The following PCSK5 variants were observed in gnomAD, a reference collection of about 807,000 sequenced individuals.
PCSK5 encodes prohormone convertase 5.
Under a neutral mutation model 233.2 loss-of-function variants are expected in PCSK5, and 129 were observed. That is an observed-to-expected ratio of 0.55 (90% CI 0.48 to 0.64). The LOEUF (loss-of-function observed/expected upper bound fraction) is 0.64. Ranked by LOEUF, PCSK5 falls within the 30% of genes least tolerant of loss-of-function variation. PCSK5 has a pLI of 0.00. For synonymous variants in PCSK5, 825 were observed against 879.2 expected (o/e 0.94, Z 1.09); for missense variants, 2,076 against 2,430.1 (o/e 0.85, Z 3.06).
At chr9:75,936,501 C>G (rs943417428) in intron 2 of PCSK5, among the ~76,000 whole-genome samples, 1 of 152,248 alleles carries the variant, frequency 6.6e-6, no homozygotes, top group Admixed American at 6.5e-5. Flanking sequence ...ACAATGTTCA[C>G]AGCATCTTCA....
chr9:76,008,572 C>G (rs1408584350), intron 3 of PCSK5, among the ~76,000 whole-genome samples: 1 of 151,980 alleles, frequency 6.6e-6, no homozygotes, highest in African/African-American at 2.4e-5. Context: ...AGTGATTCTT[C>G]TGCCTCAGCC....
chr9:76,074,305 A>G (rs1256475189), intron 7 of PCSK5, among the ~76,000 whole-genome samples: 1 of 152,212 alleles, frequency 6.6e-6, no homozygotes, highest in Admixed American at 6.5e-5. Flanking sequence ...GTATAGAGAT[A>G]CCATAATTAA....
At chr9:76,285,094 T>C (rs568503974) in intron 24 of PCSK5, among the ~76,000 whole-genome samples, 8 of 152,226 alleles carry the variant, frequency 5.3e-5, no homozygotes, top group South Asian at 4.2e-4. Context: ...TTGATTGAGA[T>C]TGGAGAGTGG....
intron 1 of PCSK5, among the ~76,000 whole-genome samples, chr9:75,896,829 C>T (rs1825827908): frequency 6.6e-6 from 1 of 152,056 alleles, no homozygotes; most frequent in Non-Finnish European, 1.5e-5. Context: ...ATAAAGTTTG[C>T]ACATAGTTTA....
chr9:76,046,176 T>TG lies in PCSK5; in HGVS notation c.632+19139_632+19140insG, dbSNP rs1829376705. On this transcript the variant is annotated intron_variant, in intron 5 of 37. Coordinates refer to ENST00000674117, the MANE Select transcript of PCSK5 (RefSeq NM_001372043.1). ...TTTTCTTTTGTTTTTTTTTTTTTTT[T>TG]TTTTTTTTTTTTTTTTTTTGAGACG... Among the ~76,000 whole-genome samples the TG allele has an allele frequency of 1.8e-4, 20 of 113,520 alleles. No individual in the cohort carries two copies. In the South Asian group the frequency reaches 6.7e-3, roughly 38 times the overall value. The allele number at this position is 113,520 out of a possible 152,430, so 74.5% of individuals were successfully genotyped here. A position where few individuals can be genotyped will look rare whatever the true frequency, so the allele number is the denominator to read the frequency against.
intron 16 of PCSK5, among the ~76,000 whole-genome samples, chr9:76,184,344 CA>C (rs1317337652): frequency 1.3e-5 from 2 of 148,990 alleles, no homozygotes; most frequent in African/African-American, 5.0e-5. Flanking sequence ...TGCACTGTTG[CA>C]AGTTAGGAAA....
At chr9:75,936,052 T>G (rs1419846803) in intron 2 of PCSK5, among the ~76,000 whole-genome samples, 2 of 152,246 alleles carry the variant, frequency 1.3e-5, no homozygotes, top group African/African-American at 2.4e-5. Context: ...AAAAGTTATG[T>G]TCATACTATC....
rs1319608557 is a variant in PCSK5 at position 76,361,510 on chromosome 9, G to A, written c.*2588G>A. ...AGCCCAGGAGTTCGACATCAGCCTT[G>A]GACAACATAGTGAGACTCCCGTGTC... On this transcript the variant is annotated 3_prime_UTR_variant, in exon 38 of 38. Coordinates refer to ENST00000674117, the MANE Select transcript of PCSK5 (RefSeq NM_001372043.1). The A allele has an allele frequency of 6.6e-6, 1 of 151,894 alleles. No homozygotes were observed. Among genetic ancestry groups the A allele is most frequent in the Non-Finnish European group, 1.5e-5 (1 of 68,034 alleles). The allele number at this position is 151,894 out of a possible 1,614,324, so 9.4% of individuals were successfully genotyped here.
At chr9:76,189,596 T>G in intron 19 of PCSK5, 35 bp from the exon 20 acceptor site, 1 of 1,315,238 alleles carries the variant, frequency 7.6e-7, no homozygotes, top group Non-Finnish European at 1.1e-6. Context: ...TGTGCATGTG[T>G]GAATGGATTA....
At position 75,953,943 on chromosome 9, in the gene PCSK5, A is replaced by T. The variant is rs558913212; in HGVS notation, c.297+21460A>T. ...GCCTCCCTCTCTCTTTGCACCTTAA[A>T]GCAGTAATTTGGACTTGGAGCTAAG... On this transcript the variant is annotated intron_variant, in intron 2 of 37. Coordinates refer to ENST00000674117, the MANE Select transcript of PCSK5 (RefSeq NM_001372043.1). Among the ~76,000 whole-genome samples the T allele has an allele frequency of 1.1e-4, 16 of 152,300 alleles. No homozygotes were observed. The East Asian group carries it at 2.9e-3, about 28-fold the overall frequency.
In PCSK5 at chr9:76,181,490, G is replaced by T. The variant is rs770229656; in HGVS notation, c.2096G>T (p.Ser699Ile). The T allele has an allele frequency of 1.2e-6, 2 of 1,614,008 alleles. No homozygotes were observed. The highest frequency in any genetic ancestry group is 1.6e-4 in the Middle Eastern group (1 of 6,062). The change falls in exon 16 of 38, where the codon AGC becomes ATC. Residue 699 changes from serine to isoleucine, a missense_variant. Ser to Ile is a moderately radical substitution (Grantham distance 142). Around this residue, in one of 6 missense-constraint regions of PCSK5, gnomAD observed 1,510 missense variants for 1,538.1 expected, o/e 0.98. Transcript: ENST00000674117. Reference sequence around the variant, plus strand: ...CCCAACTGTGAGTCCTGCTTTGGGAGCCATGGTGACCAATGCATGTCCTGC... The same window carrying T: ...CCCAACTGTGAGTCCTGCTTTGGGATCCATGGTGACCAATGCATGTCCTGC... ...CAPNCESCFG[S>I]HGDQCMSCKY...
intron 2 of PCSK5, among the ~76,000 whole-genome samples, chr9:75,961,845 T>G (rs2131345149): frequency 6.6e-6 from 1 of 152,358 alleles, no homozygotes; most frequent in Admixed American, 6.5e-5. Flanking sequence ...CTCAACTGTT[T>G]CTTTTTGCAT....
chr9:76,282,349 TG>T (rs573144912), intron 24 of PCSK5, among the ~76,000 whole-genome samples: 16,605 of 126,942 alleles, frequency 0.13, 1,371 homozygotes, highest in African/African-American at 0.25. Context: ...CCTTTTCTTC[TG>T]TCTTTTTTTT....
intron 24 of PCSK5, among the ~76,000 whole-genome samples, chr9:76,286,065 A>G (rs1334459025): frequency 3.7e-4 from 56 of 152,234 alleles, no homozygotes. Flanking sequence ...TAGTACTAGT[A>G]ACCTTTTGGA....
chr9:76,172,579 GTAAA>G (rs1823376090), intron 13 of PCSK5, among the ~76,000 whole-genome samples: 1 of 152,130 alleles, frequency 6.6e-6, no homozygotes, highest in Non-Finnish European at 1.5e-5. Context: ...CACTTAGAGG[GTAAA>G]CTTTTGCATC....
chr9:76,081,649 G>A (rs961969971), intron 7 of PCSK5, among the ~76,000 whole-genome samples: 18 of 151,602 alleles, frequency 1.2e-4, no homozygotes, highest in African/African-American at 2.7e-4. Context: ...TAAAATTTGC[G>A]GAATTAGTTT....
rs41288747 is a variant in PCSK5, at chr9:75,986,276, C to T, written c.411+31C>T. On this transcript the variant is annotated intron_variant, in intron 3 of 37. Coordinates refer to ENST00000674117, the MANE Select transcript of PCSK5 (RefSeq NM_001372043.1). ...CTTGCTAAGGAAGCCTGGCCTAGGG[C>T]CATGTCATCCGGTTTTGTGTTGTAT... The T allele has an allele frequency of 8.2e-3, 10,363 of 1,257,980 alleles. 101 individuals are homozygous for T. Among genetic ancestry groups the T allele is most frequent in the Non-Finnish European group, 7.9e-3 (6,773 of 855,144 alleles). 77.9% of individuals were successfully genotyped at this position (1,257,980 alleles called of 1,614,324 possible). A position where few individuals can be genotyped will look rare whatever the true frequency, so the allele number is the denominator to read the frequency against.
At chr9:76,093,596 C>T (rs1003910401) in intron 7 of PCSK5, among the ~76,000 whole-genome samples, 1 of 151,966 alleles carries the variant, frequency 6.6e-6, no homozygotes, top group Non-Finnish European at 1.5e-5. Context: ...CACACACACA[C>T]ACACGTGCTT....
At chr9:76,113,578 T>C (rs1369483869) in intron 9 of PCSK5, among the ~76,000 whole-genome samples, 2 of 152,096 alleles carry the variant, frequency 1.3e-5, no homozygotes, top group South Asian at 2.1e-4. Flanking sequence ...TGTGGGACAG[T>C]CGAGAAGGGT....
Sources: allele counts gnomAD v4.1 joint callset (sites outside exome capture counted in the v4.1 genomes callset), GRCh38; gene constraint gnomAD v4.1.1; regional missense constraint gnomAD v4.1.1; transcripts MANE v1.5; gene names NCBI Gene and HGNC (gene_info 2026-07-23, HGNC 2026-07-21).